Variants in ADARB2 observed in about 807,000 individuals in gnomAD.
ADARB2 encodes adenosine deaminase RNA specific B2 (inactive).
In ADARB2, 25 loss-of-function variants were observed where a neutral mutation model predicts 62.2. That is an observed-to-expected ratio of 0.40 (90% CI 0.29 to 0.56). The LOEUF (loss-of-function observed/expected upper bound fraction) is 0.56, where lower values mean the gene tolerates loss of function less well. Among genes scored for constraint, ADARB2 ranks in the 20% least tolerant of loss-of-function variants. The pLI is 0.43. For synonymous variants in ADARB2, 572 were observed against 500.8 expected, an observed-to-expected ratio of 1.14 and a Z score of -1.90; for missense variants, 1,071 against 1,077.4, an observed-to-expected ratio of 0.99 and a Z score of 0.08.
At chr10:1,687,528 A>G (rs913692478) in intron 1 of ADARB2, among the ~76,000 whole-genome samples, 1 of 152,136 alleles carries the variant, frequency 6.6e-6, no homozygotes, top group Admixed American at 6.5e-5. Context: ...AAACTTTGGC[A>G]CCACCAAGAC....
intron 3 of ADARB2, among the ~76,000 whole-genome samples, chr10:1,303,811 G>C (rs1831598583): frequency 1.3e-5 from 2 of 151,754 alleles, no homozygotes; most frequent in South Asian, 4.2e-4. Flanking sequence ...ATACTTTACA[G>C]ACAAGCAAAT....
At position 1,257,474 on chromosome 10, in the gene ADARB2, G is replaced by A. The variant is rs146715220; in HGVS notation, c.1192+13481C>T. On this transcript the variant is annotated intron_variant, in intron 4 of 9. Coordinates refer to ENST00000381312, the MANE Select transcript of ADARB2 (RefSeq NM_018702.4). Reference sequence around the variant, plus strand: ...TTCCTCTTCAGGGTCAGCACTCAGGGATCAGATGCCCATCCCCTCTCTAAC... The same window carrying A: ...TTCCTCTTCAGGGTCAGCACTCAGGAATCAGATGCCCATCCCCTCTCTAAC... 2.2e-3 allele frequency among the ~76,000 whole-genome samples: 340 copies of A among 152,282 alleles called. 1 individual carries two copies. The highest frequency in any genetic ancestry group is 7.7e-3 in the African/African-American group (320 of 41,558).
In ADARB2 at chr10:1,637,027, C is replaced by T. The variant is rs370654541; in HGVS notation, c.100+100024G>A. Among the ~76,000 whole-genome samples the T allele has an allele frequency of 6.6e-5, 10 of 151,722 alleles. No homozygotes were observed. The East Asian group carries it at 9.6e-4, about 15-fold the overall frequency. On this transcript the variant is annotated intron_variant, in intron 1 of 9. Coordinates refer to ENST00000381312, the MANE Select transcript of ADARB2 (RefSeq NM_018702.4). ...GTCTTTCTTTTTTTTCTGAAAAGTG[C>T]CCTCATGATTTAATACTCATTCATG... is the stretch of plus-strand genomic sequence containing the variant.
chr10:1,664,812 G>A (rs1001759066), intron 1 of ADARB2, among the ~76,000 whole-genome samples: 3 of 152,226 alleles, frequency 2.0e-5, no homozygotes, highest in Non-Finnish European at 4.4e-5. Context: ...GCTGTGTGCT[G>A]CATCCTCATC....
intron 1 of ADARB2, among the ~76,000 whole-genome samples, chr10:1,494,453 C>G (rs997797636): frequency 6.6e-6 from 1 of 152,184 alleles, no homozygotes; most frequent in Non-Finnish European, 1.5e-5. Flanking sequence ...AATAACACCA[C>G]CAGCTATGAA....
chr10:1,234,558 A>G (rs955719740), intron 5 of ADARB2, among the ~76,000 whole-genome samples: 3 of 151,954 alleles, frequency 2.0e-5, no homozygotes, highest in Non-Finnish European at 4.4e-5. Context: ...CTCCTGCCTC[A>G]GCCTCCCGAG....
chr10:1,327,233 G>A (rs113198095), intron 3 of ADARB2, among the ~76,000 whole-genome samples: 1,087 of 43,292 alleles, frequency 0.025, 201 homozygotes, highest in African/African-American at 0.09. Flanking sequence ...GCCTCCCCAC[G>A]GCACAGCACC....
chr10:1,418,020 G>T (rs375000296), intron 1 of ADARB2, among the ~76,000 whole-genome samples: 5 of 152,178 alleles, frequency 3.3e-5, no homozygotes, highest in African/African-American at 4.8e-5. Flanking sequence ...GCCGATGAAG[G>T]TCACTCCACA....
At chr10:1,596,087 C>A (rs1440416853) in intron 1 of ADARB2, among the ~76,000 whole-genome samples, 2 of 152,206 alleles carry the variant, frequency 1.3e-5, no homozygotes, top group Non-Finnish European at 2.9e-5. Context: ...ATGCTGGTAA[C>A]CAGCCAGGTG....
At chr10:1,727,651 T>C (rs1448901352) in intron 1 of ADARB2, among the ~76,000 whole-genome samples, 1 of 152,212 alleles carries the variant, frequency 6.6e-6, no homozygotes, top group Non-Finnish European at 1.5e-5. Flanking sequence ...GGAAATACAA[T>C]AGAAATCTAT....
At chr10:1,299,152 CGTAA>C (rs1351256255) in intron 3 of ADARB2, among the ~76,000 whole-genome samples, 1 of 151,928 alleles carries the variant, frequency 6.6e-6, no homozygotes, top group Non-Finnish European at 1.5e-5. Context: ...AGAAGGAAAG[CGTAA>C]GTGACTAGGA....
intron 1 of ADARB2, among the ~76,000 whole-genome samples, chr10:1,572,851 T>C (rs1832959105): frequency 6.6e-6 from 1 of 152,194 alleles, no homozygotes; most frequent in African/African-American, 2.4e-5. Context: ...GGCCCCCAAA[T>C]GCTCCTAGTG....
intron 1 of ADARB2, among the ~76,000 whole-genome samples, chr10:1,546,266 T>C (rs1832517709): frequency 1.3e-5 from 2 of 152,226 alleles, no homozygotes; most frequent in African/African-American, 4.8e-5. Flanking sequence ...GCGTCAGCAG[T>C]ACTCGTGGTC....
In ADARB2 at chr10:1,550,256, T is replaced by A. The variant is rs150273518; in HGVS notation, c.101-171096A>T. Among the ~76,000 whole-genome samples the A allele has an allele frequency of 2.3e-4, 35 of 152,312 alleles. No homozygotes were observed. In the East Asian group the frequency reaches 6.6e-3, roughly 29 times the overall value. ...TTCCTCTCTGGGCCTCTGATCGAAT[T>A]TTTAAGCACCTCCTTGTTGCTTTAT... On this transcript the variant is annotated intron_variant, in intron 1 of 9. Coordinates refer to ENST00000381312, the MANE Select transcript of ADARB2 (RefSeq NM_018702.4).
chr10:1,258,693 A>T (rs2131788428), intron 4 of ADARB2, among the ~76,000 whole-genome samples: 1 of 152,328 alleles, frequency 6.6e-6, no homozygotes, highest in South Asian at 2.1e-4. Context: ...TCCCCACAAT[A>T]ATAATGGGAG....
At chr10:1,577,909 A>T (rs957101423) in intron 1 of ADARB2, among the ~76,000 whole-genome samples, 2 of 152,208 alleles carry the variant, frequency 1.3e-5, no homozygotes, top group Non-Finnish European at 2.9e-5. Flanking sequence ...GAGGACACAG[A>T]CACAACCAGA....
chr10:1,377,632 C>T (rs1832446001), intron 2 of ADARB2, among the ~76,000 whole-genome samples: 1 of 151,974 alleles, frequency 6.6e-6, no homozygotes, highest in South Asian at 2.1e-4. Context: ...GGAAATTTTC[C>T]AGTTTGGGTC....
At chr10:1,431,008 C>T (rs2805547) in intron 1 of ADARB2, among the ~76,000 whole-genome samples, 2 of 152,000 alleles carry the variant, frequency 1.3e-5, no homozygotes, top group Non-Finnish European at 2.9e-5. Flanking sequence ...TGATAGAACT[C>T]CTAGACTAAA....
At chr10:1,206,506 T>A (rs1478271767) in intron 7 of ADARB2, among the ~76,000 whole-genome samples, 1 of 149,332 alleles carries the variant, frequency 6.7e-6, no homozygotes, top group Non-Finnish European at 1.5e-5. Context: ...CTCGTGCCTG[T>A]GTGGTCTGAG....
Sources: allele counts gnomAD v4.1 joint callset (sites outside exome capture counted in the v4.1 genomes callset), GRCh38; gene constraint gnomAD v4.1.1; transcripts MANE v1.5; gene names NCBI Gene and HGNC (gene_info 2026-07-23, HGNC 2026-07-21).